CAMKK1: variants seen among roughly 807,000 people sequenced by gnomAD.
CAMKK1 encodes the protein calcium/calmodulin-dependent protein kinase kinase 1.
A neutral mutation model predicts 63.5 loss-of-function variants in CAMKK1; 20 were observed. The ratio of observed to expected loss-of-function variants is 0.32; its 90% CI spans 0.22 to 0.46. The LOEUF is 0.46. CAMKK1 is among the 20% of genes least tolerant of loss of function. The probability of loss-of-function intolerance (pLI) is 1.00; values close to 1 mark genes in which losing one functional copy is unlikely to be tolerated. For missense variants in CAMKK1, 588 were observed against 658.1 expected (o/e 0.89, Z 1.17); for synonymous variants, 253 against 269.0 (o/e 0.94, Z 0.58).
At position 3,890,113 on chromosome 17, in the gene CAMKK1, A is replaced by T. The variant is rs1357804291; in HGVS notation, c.-44+2826T>A. Among the ~76,000 whole-genome samples, 1 of 152,208 alleles carries T rather than the reference A, an allele frequency of 6.6e-6. No homozygotes were observed. The highest frequency in any genetic ancestry group is 1.5e-5 in the Non-Finnish European group (1 of 68,032). On this transcript the variant is annotated intron_variant, in intron 1 of 15. Coordinates refer to ENST00000348335, the MANE Select transcript of CAMKK1 (RefSeq NM_032294.3). This position sits in a 1 kb window ranked among gnomAD's most constrained non-coding sequence, Gnocchi z 6.5. ...GCCAGACACAGAAGGTGGTCCTCCC[A>T]TGCCTGGGCCGCCTCACTGGAGCTG...
At position 3,872,498 on chromosome 17, in the gene CAMKK1, A is replaced by C. The variant is rs572693256; in HGVS notation, c.1124+56T>G. The C allele has an allele frequency of 6.2e-5, 91 of 1,479,162 alleles. No homozygotes were observed. The East Asian group carries it at 1.6e-3, about 26-fold the overall frequency. 91.6% of individuals were successfully genotyped at this position (1,479,162 alleles called of 1,614,324 possible). ...CTCAGAGGGCAAAAGCTCTGCTAAA[A>C]CTCAGACACCAGGAGCGGGTGGTAG... On this transcript the variant is annotated intron_variant, in intron 12 of 15. Transcript: ENST00000348335.
At chr17:3,880,564 T>C in intron 8 of CAMKK1, 130 bp from the exon 9 acceptor site, 1 of 654,094 alleles carries the variant, frequency 1.5e-6, no homozygotes, top group Non-Finnish European at 2.8e-6. Flanking sequence ...CTTTTTCTGC[T>C]ACATAATAAA....
At chr17:3,875,911 C>G (rs2055129481) in intron 10 of CAMKK1, among the ~76,000 whole-genome samples, 1 of 152,152 alleles carries the variant, frequency 6.6e-6, no homozygotes, top group Non-Finnish European at 1.5e-5. Context: ...CTGCGGGGAC[C>G]CCCAACTTCC....
chr17:3,880,396 T>C lies in CAMKK1; in HGVS notation c.746A>G (p.Glu249Gly). Residue 249 changes from glutamate to glycine, a missense_variant, in exon 9 of 16, where the codon GAG becomes GGG. Glu to Gly is a moderately conservative substitution (Grantham distance 98, BLOSUM62 -2). Coordinates refer to ENST00000348335, the MANE Select transcript of CAMKK1 (RefSeq NM_032294.3). Reference protein sequence around the residue: ...MEVPCDKPFSEEQARLYLRDV... With the variant: ...MEVPCDKPFSGEQARLYLRDV... ...CCGCAGGTAGAGGCGAGCTTGCTCC[T>C]CCGAGAAGGGCTTGTCACAGGGCAC... is the stretch of plus-strand genomic sequence containing the variant. 6.2e-7 allele frequency: 1 copy of C among 1,613,882 alleles called. No individual in the cohort carries two copies. Among genetic ancestry groups the C allele is most frequent in the South Asian group, 1.1e-5 (1 of 91,016 alleles).
At chr17:3,874,697 C>T (rs1042918973) in intron 10 of CAMKK1, among the ~76,000 whole-genome samples, 11 of 150,298 alleles carry the variant, frequency 7.3e-5, no homozygotes, top group East Asian at 2.0e-4. Flanking sequence ...TTAGTAGAGA[C>T]GGGGTTTCAC....
At chr17:3,880,206 TGCATGCCCCACTCCCACTGAAGCTGATTG>T in intron 9 of CAMKK1, 111 bp downstream of exon 9, 1 of 693,772 alleles carries the variant, frequency 1.4e-6, no homozygotes, top group Non-Finnish European at 2.5e-6. Flanking sequence ...CCGCCACACG[TGCATGCCCCACTCCCACTGAAGCTGATTG>T]GCAGGTCAGC....
intron 1 of CAMKK1, among the ~76,000 whole-genome samples, chr17:3,891,417 T>G (rs369209403): frequency 6.6e-6 from 1 of 151,952 alleles, no homozygotes; most frequent in Non-Finnish European, 1.5e-5. Flanking sequence ...TACAGTGTAG[T>G]TGAGGAAGGC....
rs1724585207 is a variant in CAMKK1 at position 3,890,004 on chromosome 17, G to T, written c.-44+2935C>A. 6.6e-6 allele frequency among the ~76,000 whole-genome samples: 1 copy of T among 152,220 alleles called. No homozygotes were observed. Among genetic ancestry groups the T allele is most frequent in the South Asian group, 2.1e-4 (1 of 4,836 alleles). On this transcript the variant is annotated intron_variant, in intron 1 of 15. Coordinates refer to ENST00000348335, the MANE Select transcript of CAMKK1 (RefSeq NM_032294.3). This position sits in a 1 kb window ranked among gnomAD's most constrained non-coding sequence, Gnocchi z 6.5. ...AGTGCCAAGCCGAGGCAGGGGACCA[G>T]CTACATCCAGGCGAGGGGATGGACA...
chr17:3,864,920 C>G (rs866422037), intron 15 of CAMKK1, among the ~76,000 whole-genome samples: 8 of 152,282 alleles, frequency 5.3e-5, no homozygotes, highest in African/African-American at 1.7e-4. Flanking sequence ...CCCGGACAGG[C>G]CTGGTGACAG....
chr17:3,865,253 G>C, intron 15 of CAMKK1: 1 of 986,096 alleles, frequency 1.0e-6, no homozygotes, highest in Non-Finnish European at 1.2e-6. Context: ...GACCCTCCTA[G>C]GAGGTGGTGA....
chr17:3,888,131 AG>A (rs1288296710), intron 1 of CAMKK1, among the ~76,000 whole-genome samples: 1 of 152,162 alleles, frequency 6.6e-6, no homozygotes, highest in East Asian at 1.9e-4. Context: ...TGAACTCCAG[AG>A]TCAGGAGCTC....
rs189227649 is a variant in CAMKK1, at chr17:3,876,560, G to A, written c.797-138C>T. The stretch of plus-strand genomic sequence containing the variant: ...ACTTTCGTCTGGTGACGACCTGGGA[G>A]GAGGACGTCAGGGCCATCTGCTCCA... On this transcript the variant is annotated intron_variant, in intron 9 of 15. Coordinates refer to ENST00000348335, the MANE Select transcript of CAMKK1 (RefSeq NM_032294.3). 3.5e-3 allele frequency: 2,472 copies of A among 700,514 alleles called. 12 individuals are homozygous for A. Among genetic ancestry groups the A allele is most frequent in the Non-Finnish European group, 4.6e-3 (1,898 of 410,636 alleles). 43.4% of individuals were successfully genotyped at this position (700,514 alleles called of 1,614,324 possible). A position where few individuals can be genotyped will look rare whatever the true frequency, so the allele number is the denominator to read the frequency against.
At chr17:3,873,892 GC>G (rs2055021053) in intron 10 of CAMKK1, among the ~76,000 whole-genome samples, 2 of 152,126 alleles carry the variant, frequency 1.3e-5, no homozygotes, top group Admixed American at 1.3e-4. Context: ...ATTGCAAACA[GC>G]CCCTGCCCAC....
intron 14 of CAMKK1, among the ~76,000 whole-genome samples, chr17:3,869,227 G>A (rs751908333): frequency 1.3e-5 from 2 of 152,068 alleles, no homozygotes; most frequent in South Asian, 2.1e-4. Context: ...AAAGTGCTGG[G>A]ATTACAGGCG....
chr17:3,886,838 C>T (rs2055675233), intron 1 of CAMKK1, among the ~76,000 whole-genome samples: 1 of 152,126 alleles, frequency 6.6e-6, no homozygotes, highest in Non-Finnish European at 1.5e-5. Flanking sequence ...CATCTCTGTC[C>T]CAGGCTTGTA....
chr17:3,891,398 T>C (rs2055898004), intron 1 of CAMKK1, among the ~76,000 whole-genome samples: 2 of 152,088 alleles, frequency 1.3e-5, no homozygotes, highest in African/African-American at 4.8e-5. Context: ...GGCTGGGAGA[T>C]GCTGCTGATA....
At position 3,893,001 on chromosome 17, in the gene CAMKK1, C is replaced by T. The variant is rs1405408359; in HGVS notation, c.-106G>A. 3 of 148,018 alleles carry T rather than the reference C, an allele frequency of 2.0e-5. No individual in the cohort carries two copies. Among genetic ancestry groups the T allele is most frequent in the African/African-American group, 7.4e-5 (3 of 40,560 alleles). 9.2% of individuals were successfully genotyped at this position (148,018 alleles called of 1,614,324 possible). On this transcript the variant is annotated 5_prime_UTR_variant, in exon 1 of 16. Coordinates refer to ENST00000348335, the MANE Select transcript of CAMKK1 (RefSeq NM_032294.3). The surrounding 1 kb of genome is among the most constrained non-coding windows in gnomAD (Gnocchi z 4.6). ...GGCCCCACTCGCTCCTGCTGCGCGC[C>T]CCGCCCCGCCCCGCCCCGCCCCACC... is the stretch of plus-strand genomic sequence containing the variant.
At position 3,882,647 on chromosome 17, in the gene CAMKK1, C is replaced by G; in HGVS notation, c.649-83G>C. The G allele has an allele frequency of 1.5e-6, 2 of 1,341,512 alleles. No individual in the cohort carries two copies. The highest frequency in any genetic ancestry group is 2.1e-6 in the Non-Finnish European group (2 of 957,572). 83.1% of individuals were successfully genotyped at this position (1,341,512 alleles called of 1,614,324 possible). A position where few individuals can be genotyped will look rare whatever the true frequency, so the allele number is the denominator to read the frequency against. On this transcript the variant is annotated intron_variant, in intron 6 of 15. Transcript: ENST00000348335. The surrounding 1 kb of genome is among the most constrained non-coding windows in gnomAD (Gnocchi z 4.3). The stretch of plus-strand genomic sequence containing the variant: ...CCAGGCCTCCTGGTCCTTGCCAGCC[C>G]CAGAACCCTTAGTATGCATGCAACC...
At chr17:3,866,357 G>A (rs2054523474) in intron 14 of CAMKK1, among the ~76,000 whole-genome samples, 1 of 152,258 alleles carries the variant, frequency 6.6e-6, no homozygotes, top group African/African-American at 2.4e-5. Flanking sequence ...GAGGGATGCT[G>A]TGCCATCCTT....
Sources: allele counts gnomAD v4.1 joint callset (sites outside exome capture counted in the v4.1 genomes callset), GRCh38; gene constraint gnomAD v4.1.1; non-coding constraint Gnocchi (gnomAD v3.1); transcripts MANE v1.5; gene names NCBI Gene and HGNC (gene_info 2026-07-23, HGNC 2026-07-21).